KRT73: variants seen among roughly 807,000 people sequenced by gnomAD.
The protein encoded by KRT73 is keratin 73.
In KRT73, 44 loss-of-function variants were observed where a neutral mutation model predicts 47.2. The ratio of observed to expected loss-of-function variants is 0.93; its 90% CI spans 0.73 to 1.20. The LOEUF (loss-of-function observed/expected upper bound fraction) is 1.20, where lower values mean the gene tolerates loss of function less well. Among genes scored for constraint, KRT73 ranks in the 50% most tolerant of loss-of-function variants. KRT73 has a pLI of 0.00. For synonymous variants in KRT73, 285 were observed against 291.3 expected, an observed-to-expected ratio of 0.98 and a Z score of 0.22; for missense variants, 713 against 704.5, an observed-to-expected ratio of 1.01 and a Z score of -0.14.
chr12:52,628,626 C>G, the KRT73 span, among the ~76,000 whole-genome samples: 3 of 152,102 alleles, frequency 2.0e-5, no homozygotes, highest in Non-Finnish European at 4.4e-5. Flanking sequence ...TACTTCAGTA[C>G]CAGAGATAGG....
chr12:52,609,286 AAGAG>A lies in KRT73; in HGVS notation c.1332-9_1332-6del, dbSNP rs1387734478. The A allele has an allele frequency of 6.2e-7, 1 of 1,613,250 alleles. No homozygotes were observed. The highest frequency in any genetic ancestry group is 8.5e-7 in the Non-Finnish European group (1 of 1,179,240). On this transcript the variant is annotated splice_polypyrimidine_tract_variant and splice_region_variant and intron_variant, in intron 7 of 8. Coordinates refer to ENST00000305748, the MANE Select transcript of KRT73 (RefSeq NM_175068.3). ...TTGGTATATTCTCCGGACATCCTGC[AAGAG>A]AGAAAAGCACAGGAGAGTCTGAATC...
At position 52,613,728 on chromosome 12, in the gene KRT73, C is replaced by T. The variant is rs767085759; in HGVS notation, c.944G>A (p.Arg315Gln). Residue 315 changes from arginine (R) to glutamine (Q), a missense_variant, in exon 5 of 9, where the codon CGG becomes CAG. Physicochemically the swap from Arg to Gln is conservative, Grantham distance 43 (BLOSUM62 1). Coordinates refer to ENST00000305748, the MANE Select transcript of KRT73 (RefSeq NM_175068.3). Reference protein sequence around the residue: ...EVRAQYEEIARKSKAEAEALY... With the variant: ...EVRAQYEEIAQKSKAEAEALY... ...GGCCTCGGCCTCGGCCTTGCTCTTC[C>T]GGGCGATCTCCTCATACTGGGCACG... 20 of 1,614,072 alleles carry T rather than the reference C, an allele frequency of 1.2e-5. No individual in the cohort carries two copies. The Admixed American group carries it at 1.5e-4, about 12-fold the overall frequency.
the KRT73 span, among the ~76,000 whole-genome samples, chr12:52,625,853 C>T: frequency 1.6e-5 from 2 of 126,756 alleles, no homozygotes; most frequent in African/African-American, 6.1e-5. Context: ...AAGAATTATA[C>T]TGAGTAAAAA....
At position 52,608,352 on chromosome 12, in the gene KRT73, C is replaced by T. The variant is rs369562486; in HGVS notation, c.1467G>A (p.Gly489=). The change falls in exon 9 of 9, where the codon GGG becomes GGA. Residue 489 remains glycine (G), a synonymous_variant. Transcript: ENST00000305748. ...TYGYWPSSVS[G]GYSMLPGGCV... is the part of the protein sequence containing the mutation. ...AGCCCCCAGGCAGCATGCTGTAGCC[C>T]CCGCTGACAGAGCTGGGCCAGTAGC... 8 of 1,613,738 alleles carry T rather than the reference C, an allele frequency of 5.0e-6. No individual in the cohort carries two copies. The highest frequency in any genetic ancestry group is 6.8e-6 in the Non-Finnish European group (8 of 1,180,040).
upstream of KRT73, among the ~76,000 whole-genome samples, chr12:52,621,804 G>A (rs1309511168): frequency 3.9e-5 from 6 of 152,094 alleles, no homozygotes; most frequent in African/African-American, 1.2e-4. Context: ...CTATAATGAG[G>A]TGCCCCAACT....
the KRT73 span, among the ~76,000 whole-genome samples, chr12:52,626,911 C>A: frequency 6.6e-6 from 1 of 152,198 alleles, no homozygotes; most frequent in African/African-American, 2.4e-5. Context: ...AACAAGGTGG[C>A]CACTCTACCC....
chr12:52,608,286 G>C lies in KRT73; in HGVS notation c.1533C>G (p.Ala511=). 4 of 1,614,032 alleles carry C rather than the reference G, an allele frequency of 2.5e-6. No individual in the cohort carries two copies. The highest frequency in any genetic ancestry group is 3.4e-6 in the Non-Finnish European group (4 of 1,180,006). ...CACTTGCACTCCCCAGCCTGGTCCTGGCTTCCCCACGGGGGCTACAGTTCC... is the reference window on the plus strand; with the variant it reads ...CACTTGCACTCCCCAGCCTGGTCCTCGCTTCCCCACGGGGGCTACAGTTCC... ...GSGNCSPRGE[A]RTRLGSASEF... is the part of the protein sequence containing the mutation. Residue 511 remains alanine, a synonymous_variant, in exon 9 of 9, where the codon GCC becomes GCG. Coordinates refer to ENST00000305748, the MANE Select transcript of KRT73 (RefSeq NM_175068.3).
In KRT73 at chr12:52,608,267, C is replaced by G. The variant is rs762754606; in HGVS notation, c.1552G>C (p.Ala518Pro). The G allele has an allele frequency of 3.7e-6, 6 of 1,614,030 alleles. No individual in the cohort carries two copies. The highest frequency in any genetic ancestry group is 5.1e-6 in the Non-Finnish European group (6 of 1,179,984). The change falls in exon 9 of 9, where the codon GCA (alanine) becomes CCA (proline). Residue 518 changes from alanine (A) to proline (P), a missense_variant. By Grantham distance (27) the Ala-to-Pro change is conservative. Coordinates refer to ENST00000305748, the MANE Select transcript of KRT73 (RefSeq NM_175068.3). ...CCCTGGGAGTCCCTGAATTCACTTG[C>G]ACTCCCCAGCCTGGTCCTGGCTTCC... ...RGEARTRLGS[A>P]SEFRDSQGKT... is the part of the protein sequence containing the mutation.
Position 52,607,831 on chromosome 12 carries a change from G to A in KRT73, c.*365C>T, listed in dbSNP as rs554339607. The stretch of plus-strand genomic sequence containing the variant: ...AAACTTGTGTACCCAGGGAGCACAT[G>A]GCCAAATAGTTACTGAGACAGGGTA... On this transcript the variant is annotated 3_prime_UTR_variant, in exon 9 of 9. Coordinates refer to ENST00000305748, the MANE Select transcript of KRT73 (RefSeq NM_175068.3). The A allele has an allele frequency of 7.9e-5, 15 of 188,762 alleles. No homozygotes were observed. The Admixed American group carries it at 8.5e-4, about 11-fold the overall frequency. The allele number at this position is 188,762 out of a possible 1,614,324, so 11.7% of individuals were successfully genotyped here.
rs607426 is a variant in KRT73, at chr12:52,611,220, T to C, written c.1094A>G (p.Glu365Gly). Residue 365 changes from glutamate to glycine, a missense_variant, in exon 6 of 9, where the codon GAG (glutamate) becomes GGG (glycine). Physicochemically the swap from Glu to Gly is moderately conservative, Grantham distance 98. Coordinates refer to ENST00000305748, the MANE Select transcript of KRT73 (RefSeq NM_175068.3). ...RLIQRLRSEI[E>G]SVKKQCANLE... ...CCCCTTCACCTGCTTCTTCACACTC[T>C]CAATCTCCGAGCGCAGTCTTTGGAT... 4,326 of 1,614,158 alleles carry C rather than the reference T, an allele frequency of 2.7e-3. 92 individuals are homozygous for C. The African/African-American group carries it at 0.051, about 19-fold the overall frequency.
At chr12:52,614,815 A>G in intron 3 of KRT73, 141 bp from the exon 4 acceptor site, 2 of 638,734 alleles carry the variant, frequency 3.1e-6, no homozygotes, top group Non-Finnish European at 5.4e-6. Context: ...CCTTCCAGCC[A>G]CAACTTCACT....
At chr12:52,610,545 C>T in intron 7 of KRT73, 70 bp downstream of exon 7, 1 of 671,410 alleles carries the variant, frequency 1.5e-6, no homozygotes, top group Non-Finnish European at 2.3e-6. Context: ...TCCCCCCCGC[C>T]CCCAACCACA....
chr12:52,614,532 T>TAG (rs1245107456), intron 4 of KRT73, 47 bp downstream of exon 4: 1 of 1,514,890 alleles, frequency 6.6e-7, no homozygotes, highest in East Asian at 2.3e-5. Flanking sequence ...ATCACATATC[T>TAG]GTCCTTCCAG....
chr12:52,616,124 C>T (rs930143818), intron 2 of KRT73, 42 bp downstream of exon 2: 1 of 1,610,138 alleles, frequency 6.2e-7, no homozygotes. Flanking sequence ...GGGAAAGCCT[C>T]ACCCTGGGAG....
Position 52,611,217 on chromosome 12 carries a change from C to G in KRT73, c.1097G>C (p.Ser366Thr), listed in dbSNP as rs772593160. The G allele has an allele frequency of 6.2e-7, 1 of 1,614,174 alleles. No homozygotes were observed. Among genetic ancestry groups the G allele is most frequent in the East Asian group, 2.2e-5 (1 of 44,874 alleles). Residue 366 changes from serine (S) to threonine (T), a missense_variant, in exon 6 of 9, where the codon AGT (serine) becomes ACT (threonine). Physicochemically the swap from Ser to Thr is moderately conservative, Grantham distance 58. Coordinates refer to ENST00000305748, the MANE Select transcript of KRT73 (RefSeq NM_175068.3). ...AGTCCCCTTCACCTGCTTCTTCACA[C>G]TCTCAATCTCCGAGCGCAGTCTTTG... ...LIQRLRSEIE[S>T]VKKQCANLET... is the part of the protein sequence containing the mutation.
At chr12:52,613,648 G>A in intron 5 of KRT73, 40 bp downstream of exon 5, 1 of 1,609,800 alleles carries the variant, frequency 6.2e-7, no homozygotes, top group Non-Finnish European at 8.5e-7. Flanking sequence ...TGGAGCAGAG[G>A]GCCCTGCATA....
In KRT73 at chr12:52,610,757, C is replaced by A. The variant is rs777817611; in HGVS notation, c.1189G>T (p.Asp397Tyr). The change falls in exon 7 of 9, where the codon GAT (aspartate) becomes TAT (tyrosine). Residue 397 changes from aspartate (D) to tyrosine (Y), a missense_variant. Physicochemically the swap from Asp to Tyr is radical, Grantham distance 160. Transcript: ENST00000305748. ...CALKDARAKL[D>Y]ELEGALQQAK... Reference sequence around the variant, plus strand: ...TGCTGCAGGGCGCCCTCCAGCTCATCCAGCTTGGCCCTGGCATCCTTGAGG... The same window carrying A: ...TGCTGCAGGGCGCCCTCCAGCTCATACAGCTTGGCCCTGGCATCCTTGAGG... The A allele has an allele frequency of 6.2e-7, 1 of 1,613,980 alleles. No individual in the cohort carries two copies. Among genetic ancestry groups the A allele is most frequent in the Admixed American group, 1.7e-5 (1 of 60,030 alleles).
chr12:52,611,410 T>C, intron 5 of KRT73, 81 bp from the exon 6 acceptor site: 4 of 1,567,834 alleles, frequency 2.6e-6, no homozygotes, highest in Non-Finnish European at 2.6e-6. Context: ...GTGCCTGCAC[T>C]TGCAGAGCCT....
chr12:52,627,243 A>C, the KRT73 span, among the ~76,000 whole-genome samples: 2 of 152,158 alleles, frequency 1.3e-5, no homozygotes. Flanking sequence ...TGCTCTTCCC[A>C]AGATAGCATC....
Sources: gnomAD v4.1 joint callset for allele counts (sites outside exome capture counted in the v4.1 genomes callset) on GRCh38, gnomAD v4.1.1 for gene constraint, MANE v1.5 for transcripts, NCBI Gene and HGNC (gene_info 2026-07-23, HGNC 2026-07-21) for gene names.